RNASEH1: variants seen among roughly 807,000 people sequenced by gnomAD.
RNASEH1 encodes the protein ribonuclease H type II.
Under a neutral mutation model 34.6 loss-of-function variants are expected in RNASEH1, and 27 were observed. The observed-to-expected ratio is 0.78, with a 90% CI of 0.58 to 1.08. RNASEH1 has a LOEUF of 1.08. Ranked by LOEUF, RNASEH1 falls within the 50% of genes least tolerant of loss-of-function variation. RNASEH1 has a pLI of 0.00. For missense variants in RNASEH1, 349 were observed against 373.6 expected (o/e 0.93, Z 0.54); for synonymous variants, 162 against 138.4 (o/e 1.17, Z -1.20).
chr2:3,550,330 T>C (rs376450937), intron 4 of RNASEH1, 43 bp downstream of exon 4: 19 of 1,448,394 alleles, frequency 1.3e-5, no homozygotes, highest in Non-Finnish European at 1.7e-5. Flanking sequence ...TTTTCACAAG[T>C]TGTGGAACAT....
At chr2:3,557,822 G>A (rs1306502064) in intron 1 of RNASEH1, 3 of 1,300,490 alleles carry the variant, frequency 2.3e-6, no homozygotes, top group East Asian at 4.1e-5. Flanking sequence ...CTGATTACGT[G>A]TCACTTTTTG....
the RNASEH1 span, chr2:3,532,170 T>C: frequency 0.35 from 239,715 of 676,896 alleles, 45,786 homozygotes; most frequent in African/African-American, 0.59. Context: ...GCTAACACTT[T>C]GAGCAGCCAG....
chr2:3,558,009 C>G, intron 1 of RNASEH1, 124 bp downstream of exon 1: 1 of 1,484,934 alleles, frequency 6.7e-7, no homozygotes, highest in Non-Finnish European at 9.0e-7. Flanking sequence ...CCCCCGACCA[C>G]CCACAGCCAC....
chr2:3,557,801 G>A (rs1363743862), intron 1 of RNASEH1: 2 of 1,109,032 alleles, frequency 1.8e-6, no homozygotes, highest in Admixed American at 2.2e-5. Flanking sequence ...TTCTGGTAAC[G>A]GGGGTTCGTT....
rs1192180272 is a variant in RNASEH1, at chr2:3,556,712, A to G, written c.244+77T>C. 4 of 913,952 alleles carry G rather than the reference A, an allele frequency of 4.4e-6. No homozygotes were observed. The African/African-American group carries it at 6.5e-5, about 15-fold the overall frequency. The allele number at this position is 913,952 out of a possible 1,614,324, so 56.6% of individuals were successfully genotyped here. ...TTCCCTACATGCCTAGAGGGTAGCT[A>G]TATAGATCAAATGCCATCTGGCATA... On this transcript the variant is annotated intron_variant, in intron 2 of 7. Coordinates refer to ENST00000315212, the MANE Select transcript of RNASEH1 (RefSeq NM_002936.6).
chr2:3,552,185 T>C lies in RNASEH1; in HGVS notation c.368A>G (p.Glu123Gly), dbSNP rs1207653171. ...GTCTCTGCTAACTGGAGGCGCCGGCTCCACGCTCGGCTTCATGTGCTTTGC... is the reference window on the plus strand; with the variant it reads ...GTCTCTGCTAACTGGAGGCGCCGGCCCCACGCTCGGCTTCATGTGCTTTGC... The part of the protein sequence containing the change: ...PYAKHMKPSV[E>G]PAPPVSRDTF... Residue 123 changes from glutamate to glycine, a missense_variant, in exon 3 of 8, where the codon GAG (glutamate) becomes GGG (glycine). By Grantham distance (98) the Glu-to-Gly change is moderately conservative (BLOSUM62 -2). Transcript: ENST00000315212. The C allele has an allele frequency of 1.9e-6, 3 of 1,612,062 alleles. No individual in the cohort carries two copies. The highest frequency in any genetic ancestry group is 2.7e-5 in the African/African-American group (2 of 74,862).
chr2:3,536,220 T>G, the RNASEH1 span, among the ~76,000 whole-genome samples: 19 of 152,346 alleles, frequency 1.2e-4, no homozygotes, highest in Non-Finnish European at 2.8e-4. Flanking sequence ...TTTAAAAGAA[T>G]GACGTGTGTG....
At chr2:3,549,199 G>T in intron 4 of RNASEH1, 87 bp from the exon 5 acceptor site, 1 of 982,300 alleles carries the variant, frequency 1.0e-6, no homozygotes, top group Non-Finnish European at 1.6e-6. Flanking sequence ...AAACTAGTGT[G>T]TATTCTTATT....
chr2:3,537,121 T>C (rs1023186105), downstream of RNASEH1, among the ~76,000 whole-genome samples: 2 of 152,244 alleles, frequency 1.3e-5, no homozygotes, highest in African/African-American at 4.8e-5. Flanking sequence ...AATTTTCTTC[T>C]GGGTTTCAAA....
chr2:3,554,854 G>C (rs1660329527), intron 2 of RNASEH1, among the ~76,000 whole-genome samples: 1 of 152,198 alleles, frequency 6.6e-6, no homozygotes, highest in African/African-American at 2.4e-5. Context: ...GTCTCAAACT[G>C]ATTTTTCCAT....
chr2:3,558,218 C>T lies in RNASEH1; in HGVS notation c.43G>A (p.Ala15Thr). The T allele has an allele frequency of 6.3e-7, 1 of 1,598,998 alleles. No homozygotes were observed. The highest frequency in any genetic ancestry group is 1.1e-5 in the South Asian group (1 of 88,956). Residue 15 changes from alanine to threonine, a missense_variant, in exon 1 of 8, where the codon GCC becomes ACC. By Grantham distance (58) the Ala-to-Thr change is moderately conservative. This residue lies in a region of RNASEH1 where 256 missense variants were observed against 240.7 expected (regional missense o/e 1.06). Coordinates refer to ENST00000315212, the MANE Select transcript of RNASEH1 (RefSeq NM_002936.6). ...LFLAHRVALA[A>T]LPCRRGSRGF... ...CGAGAGCCGCGGCGGCAGGGCAAGG[C>T]GGCCAAGGCGACTCTGTGGGCCAGG... is the stretch of plus-strand genomic sequence containing the variant.
At chr2:3,548,819 G>C in intron 5 of RNASEH1, 95 bp from the exon 6 acceptor site, 1 of 856,112 alleles carries the variant, frequency 1.2e-6, no homozygotes, top group South Asian at 1.5e-5. Flanking sequence ...CATCCCCTCT[G>C]TACTGATTAT....
At chr2:3,552,088 C>T (rs942539044) in intron 3 of RNASEH1, 56 bp downstream of exon 3, 29 of 1,472,630 alleles carry the variant, frequency 2.0e-5, no homozygotes, top group African/African-American at 1.8e-4. Context: ...ACACCTTTTA[C>T]ACATAACATT....
chr2:3,557,177 GTC>G (rs1660597251), intron 1 of RNASEH1, among the ~76,000 whole-genome samples: 1 of 152,056 alleles, frequency 6.6e-6, no homozygotes, highest in African/African-American at 2.4e-5. Flanking sequence ...TAGTTGTATT[GTC>G]TTTTTATGCG....
intron 1 of RNASEH1, among the ~76,000 whole-genome samples, chr2:3,557,514 A>G (rs1660631382): frequency 6.6e-6 from 1 of 152,242 alleles, no homozygotes; most frequent in African/African-American, 2.4e-5. Context: ...GCTGCCGTGC[A>G]TGGGGAAACA....
chr2:3,534,679 G>C, the RNASEH1 span, among the ~76,000 whole-genome samples: 1 of 152,262 alleles, frequency 6.6e-6, no homozygotes, highest in Admixed American at 6.5e-5. Flanking sequence ...AGCCCACTGG[G>C]CCGAATGTGC....
chr2:3,540,548 A>G (rs1668238882), downstream of RNASEH1, among the ~76,000 whole-genome samples: 1 of 152,142 alleles, frequency 6.6e-6, no homozygotes, highest in African/African-American at 2.4e-5. Context: ...AGCTGGGATT[A>G]CAGGCACCTG....
At chr2:3,537,134 G>A (rs963664650), downstream of RNASEH1, among the ~76,000 whole-genome samples, 2 of 152,186 alleles carry the variant, frequency 1.3e-5, no homozygotes, top group Non-Finnish European at 2.9e-5. Flanking sequence ...GTTTCAAAAT[G>A]TTAGGTTAAA....
Position 3,545,189 on chromosome 2 carries a change from T to C in RNASEH1, c.*596A>G, listed in dbSNP as rs571982055. On this transcript the variant is annotated 3_prime_UTR_variant, in exon 8 of 8. Coordinates refer to ENST00000315212, the MANE Select transcript of RNASEH1 (RefSeq NM_002936.6). ...GGTCTTTATGAGTCGCAGCTGTTCCTAGAGAATGGCCTAGCAGCCAGGGTC... is the reference window on the plus strand; with the variant it reads ...GGTCTTTATGAGTCGCAGCTGTTCCCAGAGAATGGCCTAGCAGCCAGGGTC... 1 of 152,042 alleles carries C rather than the reference T, an allele frequency of 6.6e-6. No individual in the cohort carries two copies. Among genetic ancestry groups the C allele is most frequent in the Non-Finnish European group, 1.5e-5 (1 of 68,104 alleles). The allele number at this position is 152,042 out of a possible 1,614,324, so 9.4% of individuals were successfully genotyped here. A position where few individuals can be genotyped will look rare whatever the true frequency, so the allele number is the denominator to read the frequency against.
Sources: gnomAD v4.1 joint callset for allele counts (sites outside exome capture counted in the v4.1 genomes callset) on GRCh38, gnomAD v4.1.1 for gene constraint, gnomAD v4.1.1 regional missense constraint, MANE v1.5 for transcripts, NCBI Gene and HGNC (gene_info 2026-07-23, HGNC 2026-07-21) for gene names.